KLHL29: variants seen among roughly 807,000 people sequenced by gnomAD.
KLHL29 encodes kelch-like protein 29.
Under a neutral mutation model 80.4 loss-of-function variants are expected in KLHL29, and 21 were observed. The observed-to-expected ratio is 0.26, with a 90% CI of 0.19 to 0.38. The LOEUF (loss-of-function observed/expected upper bound fraction) is 0.38, where lower values mean the gene tolerates loss of function less well. KLHL29 is among the 10% of genes least tolerant of loss of function. KLHL29 has a pLI of 1.00. For missense variants in KLHL29, 867 were observed against 1,223.9 expected (o/e 0.71, Z 4.35); for synonymous variants, 511 against 526.8 (o/e 0.97, Z 0.41).
intron 6 of KLHL29, among the ~76,000 whole-genome samples, chr2:23,688,631 C>T (rs767263729): frequency 3.3e-5 from 5 of 152,002 alleles, no homozygotes; most frequent in Non-Finnish European, 5.9e-5. Context: ...CTCCAGGAAG[C>T]TCTGGTCTTC....
intron 2 of KLHL29, among the ~76,000 whole-genome samples, chr2:23,550,037 C>T (rs1436756101): frequency 5.9e-5 from 9 of 152,198 alleles, no homozygotes; most frequent in East Asian, 5.8e-4. Context: ...TCCAGCCCAG[C>T]GTGGTCCCTC....
chr2:23,430,583 T>C (rs1046405303), intron 1 of KLHL29, among the ~76,000 whole-genome samples: 1 of 152,156 alleles, frequency 6.6e-6, no homozygotes, highest in African/African-American at 2.4e-5. Flanking sequence ...GTGCCTGAGA[T>C]CATTACATCA....
chr2:23,697,619 G>A (rs1672048213), intron 11 of KLHL29: 1 of 152,238 alleles, frequency 6.6e-6, no homozygotes. Flanking sequence ...AAAGACGGTT[G>A]CAGAGTGAGG....
At chr2:23,573,565 C>T (rs1187116771) in intron 3 of KLHL29, among the ~76,000 whole-genome samples, 4 of 152,148 alleles carry the variant, frequency 2.6e-5, no homozygotes, top group Admixed American at 6.5e-5. Flanking sequence ...CTAGTGCTGG[C>T]GACACGACCG....
chr2:23,459,533 A>T (rs978504003), intron 1 of KLHL29, among the ~76,000 whole-genome samples: 1 of 152,176 alleles, frequency 6.6e-6, no homozygotes, highest in Non-Finnish European at 1.5e-5. Flanking sequence ...AAATGGGGAA[A>T]TGACGACCAA....
chr2:23,526,287 A>G lies in KLHL29; in HGVS notation c.-45-35865A>G, dbSNP rs56251230. 8.7e-3 allele frequency among the ~76,000 whole-genome samples: 340 copies of G among 39,222 alleles called. 1 individual carries two copies. The highest frequency in any genetic ancestry group is 0.024 in the East Asian group (21 of 876). The allele number at this position is 39,222 out of a possible 152,430, so 25.7% of individuals were successfully genotyped here. A position where few individuals can be genotyped will look rare whatever the true frequency, so the allele number is the denominator to read the frequency against. ...CGTGGGCGGTCGGAGGAAGCGTCAC[A>G]GGGGAGGGGAAACCAGAGCTGTGGT... On this transcript the variant is annotated intron_variant, in intron 2 of 13. Coordinates refer to ENST00000486442, the MANE Select transcript of KLHL29 (RefSeq NM_052920.2).
chr2:23,558,979 G>A (rs557524488), intron 2 of KLHL29, among the ~76,000 whole-genome samples: 16 of 152,240 alleles, frequency 1.1e-4, no homozygotes, highest in Non-Finnish European at 2.2e-4. Flanking sequence ...GACAGCAGCC[G>A]TGGCTGCAGG....
intron 1 of KLHL29, among the ~76,000 whole-genome samples, chr2:23,388,218 T>C (rs1487241630): frequency 2.0e-5 from 3 of 152,188 alleles, no homozygotes; most frequent in Non-Finnish European, 4.4e-5. Flanking sequence ...AGACTGAGAA[T>C]TCAGGTTTGT....
intron 13 of KLHL29, among the ~76,000 whole-genome samples, chr2:23,704,069 G>A (rs935885089): frequency 1.2e-4 from 18 of 152,264 alleles, no homozygotes; most frequent in Non-Finnish European, 1.9e-4. Flanking sequence ...GCCCAACCCC[G>A]GGGCTCCAGC....
intron 1 of KLHL29, among the ~76,000 whole-genome samples, chr2:23,424,686 G>A (rs566833166): frequency 1.1e-4 from 17 of 152,240 alleles, no homozygotes; most frequent in Non-Finnish European, 2.5e-4. Context: ...GAAGGGTGTG[G>A]GGGGCAGATA....
At position 23,503,529 on chromosome 2, in the gene KLHL29, T is replaced by A. The variant is rs1180304358; in HGVS notation, c.-46+27862T>A. Reference sequence around the variant, plus strand: ...GTGTTGTCCTAGGGATGGCTCCTGGTTCACGCAGGCTCCTCATAGGGTCCC... The same window carrying A: ...GTGTTGTCCTAGGGATGGCTCCTGGATCACGCAGGCTCCTCATAGGGTCCC... On this transcript the variant is annotated intron_variant, in intron 2 of 13. Coordinates refer to ENST00000486442, the MANE Select transcript of KLHL29 (RefSeq NM_052920.2). The surrounding 1 kb of genome is among the most constrained non-coding windows in gnomAD (Gnocchi z 4.0). Among the ~76,000 whole-genome samples the A allele has an allele frequency of 6.6e-6, 1 of 151,720 alleles. No homozygotes were observed. Among genetic ancestry groups the A allele is most frequent in the Non-Finnish European group, 1.5e-5 (1 of 67,940 alleles).
rs186224744 is a variant in KLHL29, at chr2:23,696,970, G to A, written c.2105+457G>A. The A allele has an allele frequency of 1.6e-3, 244 of 151,618 alleles. No individual in the cohort carries two copies. Among genetic ancestry groups the A allele is most frequent in the African/African-American group, 5.6e-3 (222 of 39,610 alleles). 9.4% of individuals were successfully genotyped at this position (151,618 alleles called of 1,614,324 possible). A position where few individuals can be genotyped will look rare whatever the true frequency, so the allele number is the denominator to read the frequency against. ...GCGGTGCCTCCTTGTCCTGCCAAGC[G>A]GGGGGTCCCACACCAGGGAGCTCCC... On this transcript the variant is annotated intron_variant, in intron 11 of 13. Transcript: ENST00000486442. This position sits in a 1 kb window ranked among gnomAD's most constrained non-coding sequence, Gnocchi z 5.5.
intron 1 of KLHL29, among the ~76,000 whole-genome samples, chr2:23,463,940 T>C (rs1362950022): frequency 6.6e-6 from 1 of 152,222 alleles, no homozygotes; most frequent in African/African-American, 2.4e-5. Context: ...TCCTGGAAAA[T>C]GTGTATTCTC....
At chr2:23,427,254 A>G (rs913539050) in intron 1 of KLHL29, among the ~76,000 whole-genome samples, 1 of 152,200 alleles carries the variant, frequency 6.6e-6, no homozygotes, top group African/African-American at 2.4e-5. Context: ...GCGGCGTTCT[A>G]TATTTACACC....
At chr2:23,672,863 A>T (rs990779265) in intron 5 of KLHL29, 1 of 152,416 alleles carries the variant, frequency 6.6e-6, no homozygotes, top group Non-Finnish European at 1.5e-5. Context: ...GCAGCCCAGA[A>T]GAAGGGAGCT....
intron 3 of KLHL29, among the ~76,000 whole-genome samples, chr2:23,631,315 G>A (rs1001328560): frequency 3.9e-5 from 6 of 152,094 alleles, no homozygotes; most frequent in Admixed American, 3.9e-4. Context: ...ATATTTTAAA[G>A]GACAAGATTG....
intron 5 of KLHL29, among the ~76,000 whole-genome samples, chr2:23,676,408 T>C (rs1670923227): frequency 6.6e-6 from 1 of 152,190 alleles, no homozygotes; most frequent in Admixed American, 6.5e-5. Context: ...GGTCTTGATC[T>C]CCTGACCTCG....
chr2:23,407,115 G>A (rs1666755485), intron 1 of KLHL29, among the ~76,000 whole-genome samples: 1 of 152,032 alleles, frequency 6.6e-6, no homozygotes, highest in Non-Finnish European at 1.5e-5. Context: ...TTATATTAAT[G>A]TGTCTTATTT....
At chr2:23,389,280 T>C (rs79382761) in intron 1 of KLHL29, among the ~76,000 whole-genome samples, 6,564 of 152,306 alleles carry the variant, frequency 0.043, 197 homozygotes, top group Non-Finnish European at 0.064. Context: ...TCACCCACTT[T>C]CAACTTAGCT....
Sources: allele counts gnomAD v4.1 joint callset (sites outside exome capture counted in the v4.1 genomes callset), GRCh38; gene constraint gnomAD v4.1.1; non-coding constraint Gnocchi (gnomAD v3.1); transcripts MANE v1.5; gene names NCBI Gene and HGNC (gene_info 2026-07-23, HGNC 2026-07-21).